IKZF1: variants seen among roughly 807,000 people sequenced by gnomAD.
IKZF1 encodes DNA-binding protein Ikaros.
A neutral mutation model predicts 51.7 loss-of-function variants in IKZF1; 10 were observed. That is an observed-to-expected ratio of 0.19 (90% CI 0.12 to 0.33). The LOEUF (loss-of-function observed/expected upper bound fraction) is 0.33, where lower values mean the gene tolerates loss of function less well. Among genes scored for constraint, IKZF1 ranks in the 10% least tolerant of loss-of-function variants. IKZF1 has a pLI of 1.00. For missense variants in IKZF1, 484 were observed against 707.5 expected, an observed-to-expected ratio of 0.68 and a Z score of 3.58; for synonymous variants, 280 against 282.3, an observed-to-expected ratio of 0.99 and a Z score of 0.08.
intron 3 of IKZF1, chr7:50,369,448 A>G (rs1330943503): frequency 2.5e-6 from 1 of 398,438 alleles, no homozygotes; most frequent in African/African-American, 2.1e-5. Flanking sequence ...ACACTTGGAT[A>G]TGCTTTCTGT....
chr7:50,359,067 C>G (rs910384398), intron 3 of IKZF1, among the ~76,000 whole-genome samples: 2 of 152,078 alleles, frequency 1.3e-5, no homozygotes, highest in Non-Finnish European at 2.9e-5. Flanking sequence ...TCAGACCAAC[C>G]TAGGCAATAT....
intron 5 of IKZF1, among the ~76,000 whole-genome samples, chr7:50,383,685 A>G (rs974390247): frequency 6.6e-6 from 1 of 152,168 alleles, no homozygotes; most frequent in Non-Finnish European, 1.5e-5. Context: ...CCAGCCAGCC[A>G]CCAGCCAGGG....
intron 3 of IKZF1, among the ~76,000 whole-genome samples, chr7:50,335,493 G>C (rs1477964819): frequency 5.8e-4 from 80 of 138,644 alleles, no homozygotes; most frequent in African/African-American, 2.0e-3. Context: ...TGTATGTGTG[G>C]TGTGTATGTG....
chr7:50,327,580 G>A (rs1795360744), intron 2 of IKZF1, 58 bp from the exon 3 acceptor site: 6 of 1,518,410 alleles, frequency 4.0e-6, no homozygotes, highest in Admixed American at 4.3e-5. Context: ...AAAGCCGGGG[G>A]AAGCCCAGGC....
At chr7:50,393,067 G>A (rs1165404603) in intron 7 of IKZF1, among the ~76,000 whole-genome samples, 3 of 152,140 alleles carry the variant, frequency 2.0e-5, no homozygotes, top group Admixed American at 6.5e-5. Flanking sequence ...ACAAAGGCTA[G>A]GATAGTAAAG....
chr7:50,343,847 A>G (rs1799700095), intron 3 of IKZF1, among the ~76,000 whole-genome samples: 1 of 152,174 alleles, frequency 6.6e-6, no homozygotes, highest in South Asian at 2.1e-4. Context: ...TTGCTTTTGT[A>G]TATTTGAGTC....
intron 3 of IKZF1, among the ~76,000 whole-genome samples, chr7:50,343,321 T>C (rs1409690562): frequency 6.7e-6 from 1 of 149,736 alleles, no homozygotes; most frequent in Non-Finnish European, 1.5e-5. Context: ...CATTTGATCA[T>C]GGGTACCATT....
chr7:50,320,832 G>A (rs1233732997), intron 2 of IKZF1, among the ~76,000 whole-genome samples: 1 of 152,140 alleles, frequency 6.6e-6, no homozygotes, highest in African/African-American at 2.4e-5. Flanking sequence ...TACCTTAGAG[G>A]TATATTCTCA....
intron 4 of IKZF1, chr7:50,377,283 C>T (rs1274038359): frequency 1.9e-5 from 3 of 154,844 alleles, no homozygotes; most frequent in African/African-American, 7.2e-5. Flanking sequence ...GCAGCAAAAT[C>T]GAGTTTTCAG....
chr7:50,369,074 A>G, intron 3 of IKZF1: 1 of 228,156 alleles, frequency 4.4e-6, no homozygotes, highest in Non-Finnish European at 8.7e-6. Flanking sequence ...TATTCCTTTG[A>G]TTCCACTTTA....
At chr7:50,323,091 A>C (rs1381755721) in intron 2 of IKZF1, among the ~76,000 whole-genome samples, 1 of 152,234 alleles carries the variant, frequency 6.6e-6, no homozygotes, top group Non-Finnish European at 1.5e-5. Context: ...GGAATATTTT[A>C]TCAAGTTAAG....
At chr7:50,309,852 A>G (rs2153333134) in intron 1 of IKZF1, among the ~76,000 whole-genome samples, 1 of 152,324 alleles carries the variant, frequency 6.6e-6, no homozygotes, top group South Asian at 2.1e-4. Context: ...AGAAATGAGA[A>G]TGAGGAATTG....
intron 3 of IKZF1, among the ~76,000 whole-genome samples, chr7:50,338,870 G>T (rs980032781): frequency 6.6e-6 from 1 of 152,166 alleles, no homozygotes; most frequent in Admixed American, 6.5e-5. Context: ...ACAAATTACC[G>T]CAGACACGCT....
chr7:50,347,278 A>G (rs1228715544), intron 3 of IKZF1, among the ~76,000 whole-genome samples: 1 of 152,178 alleles, frequency 6.6e-6, no homozygotes, highest in African/African-American at 2.4e-5. Context: ...TTAAAATAAT[A>G]ATGGAAAAAG....
At chr7:50,312,370 C>T (rs953757555) in intron 1 of IKZF1, among the ~76,000 whole-genome samples, 7 of 152,134 alleles carry the variant, frequency 4.6e-5, no homozygotes, top group African/African-American at 1.7e-4. Context: ...GTGAACCGTG[C>T]ACCCCTATGA....
rs76988217 is a variant in IKZF1, at chr7:50,316,784, C to A, written c.-14-2264C>A. 1.6e-3 allele frequency among the ~76,000 whole-genome samples: 239 copies of A among 152,326 alleles called. 1 individual carries two copies. The highest frequency in any genetic ancestry group is 5.5e-3 in the African/African-American group (229 of 41,576). On this transcript the variant is annotated intron_variant, in intron 1 of 7. Coordinates refer to ENST00000331340, the MANE Select transcript of IKZF1 (RefSeq NM_006060.6). ...CCATGCAGCAAACTCAGAGGCTCAG[C>A]CCGCATTCCACTGGAAGGGCGTTTG...
At chr7:50,390,944 A>G (rs1434015868) in intron 6 of IKZF1, among the ~76,000 whole-genome samples, 1 of 152,260 alleles carries the variant, frequency 6.6e-6, no homozygotes, top group African/African-American at 2.4e-5. Context: ...ATTTAAGATA[A>G]TCAGTTTACA....
At chr7:50,367,756 G>A in intron 3 of IKZF1, 1 of 458,396 alleles carries the variant, frequency 2.2e-6, no homozygotes, top group East Asian at 4.0e-5. Context: ...GAACCCATCA[G>A]TAATTGCTCC....
chr7:50,394,005 A>C (rs575342157), intron 7 of IKZF1: 8 of 232,148 alleles, frequency 3.4e-5, no homozygotes, highest in Non-Finnish European at 6.8e-5. Flanking sequence ...GTGAAACTCT[A>C]CTGGAGCCAC....
Sources: allele counts gnomAD v4.1 joint callset (sites outside exome capture counted in the v4.1 genomes callset), GRCh38; gene constraint gnomAD v4.1.1; transcripts MANE v1.5; gene names NCBI Gene and HGNC (gene_info 2026-07-23, HGNC 2026-07-21).